NLGN1: variants seen among roughly 807,000 people sequenced by gnomAD.
The protein encoded by NLGN1 is neuroligin 1, also known as neuroligin-1.
In NLGN1, 12 loss-of-function variants were observed where a neutral mutation model predicts 65.5. The observed-to-expected ratio is 0.18, with a 90% confidence interval of 0.12 to 0.30. The LOEUF is 0.30. Among genes scored for constraint, NLGN1 ranks in the 10% least tolerant of loss-of-function variants. The pLI is 1.00. For missense variants in NLGN1, 750 were observed against 1,007.1 expected (o/e 0.74, Z 3.46); for synonymous variants, 350 against 359.5 (o/e 0.97, Z 0.30).
At chr3:173,757,848 A>G (rs1411910182) in intron 3 of NLGN1, among the ~76,000 whole-genome samples, 2 of 152,032 alleles carry the variant, frequency 1.3e-5, no homozygotes, top group African/African-American at 4.8e-5. Context: ...GATGTCTGAA[A>G]CTCGTTTTAA....
At chr3:174,048,854 A>G (rs780001914) in intron 4 of NLGN1, among the ~76,000 whole-genome samples, 1 of 152,132 alleles carries the variant, frequency 6.6e-6, no homozygotes, top group Non-Finnish European at 1.5e-5. Context: ...TAGTAACTAT[A>G]GATGCTAGGT....
At chr3:173,587,338 A>G (rs577058821) in intron 2 of NLGN1, among the ~76,000 whole-genome samples, 2 of 10,834 alleles carry the variant, frequency 1.8e-4, no homozygotes, top group East Asian at 0.091. Context: ...CAAGCAGTAC[A>G]TACACAAAAC....
intron 2 of NLGN1, among the ~76,000 whole-genome samples, chr3:173,443,299 G>GTATATATATTATATATATACTATATA (rs1354966719): frequency 3.2e-5 from 3 of 93,182 alleles, no homozygotes; most frequent in Middle Eastern, 4.5e-3. Context: ...TACTTTAATA[G>GTATATATATTATATATATACTATATA]TATATATATT....
intron 2 of NLGN1, among the ~76,000 whole-genome samples, chr3:173,500,747 T>A (rs2149055474): frequency 6.6e-6 from 1 of 151,994 alleles, no homozygotes; most frequent in African/African-American, 2.4e-5. Context: ...ATTGGTCTAT[T>A]AAATACCTTA....
intron 1 of NLGN1, among the ~76,000 whole-genome samples, chr3:173,426,241 A>G (rs1560235212): frequency 6.6e-6 from 1 of 152,074 alleles, no homozygotes; most frequent in Admixed American, 6.6e-5. Context: ...GGTGGACTCT[A>G]GGTTTTTCTA....
In NLGN1 at chr3:173,764,316, C is replaced by T. The variant is rs572001460; in HGVS notation, c.494-43364C>T. ...AAAGTAGGTGATAAGTATACTCTGTCTGATCAGATCTACCTTAGGTTTCAC... is the reference window on the plus strand; with the variant it reads ...AAAGTAGGTGATAAGTATACTCTGTTTGATCAGATCTACCTTAGGTTTCAC... On this transcript the variant is annotated intron_variant, in intron 3 of 6. Transcript: ENST00000457714. Among the ~76,000 whole-genome samples the T allele has an allele frequency of 2.1e-4, 32 of 152,288 alleles. No homozygotes were observed. In the Middle Eastern group the frequency reaches 0.014, roughly 65 times the overall value.
intron 4 of NLGN1, among the ~76,000 whole-genome samples, chr3:174,044,945 C>T (rs1418596101): frequency 1.3e-5 from 2 of 152,034 alleles, no homozygotes; most frequent in Non-Finnish European, 2.9e-5. Context: ...GACGTGTTTG[C>T]TTCTCCTTCC....
intron 4 of NLGN1, among the ~76,000 whole-genome samples, chr3:173,925,740 C>T (rs1285987826): frequency 6.6e-6 from 1 of 152,034 alleles, no homozygotes; most frequent in Admixed American, 6.6e-5. Flanking sequence ...TAAGTGTATT[C>T]TAAGAAGATT....
intron 4 of NLGN1, among the ~76,000 whole-genome samples, chr3:173,842,713 G>T (rs1006377653): frequency 1.3e-5 from 2 of 152,180 alleles, no homozygotes; most frequent in South Asian, 4.1e-4. Context: ...GGGCAGCTCC[G>T]CCCCTGTGAC....
intron 4 of NLGN1, among the ~76,000 whole-genome samples, chr3:173,960,151 T>C (rs946158292): frequency 3.9e-5 from 6 of 152,114 alleles, no homozygotes; most frequent in African/African-American, 9.6e-5. Context: ...TAATTGTCTT[T>C]GTCAAATAAT....
chr3:173,480,443 T>TGATG (rs1390387372), intron 2 of NLGN1, among the ~76,000 whole-genome samples: 2 of 152,112 alleles, frequency 1.3e-5, no homozygotes, highest in Admixed American at 1.3e-4. Context: ...GCTATATTGG[T>TGATG]GATGGTTTGC....
At chr3:173,815,500 G>A (rs908113370) in intron 4 of NLGN1, among the ~76,000 whole-genome samples, 1 of 152,038 alleles carries the variant, frequency 6.6e-6, no homozygotes, top group South Asian at 2.1e-4. Flanking sequence ...TTTTTATCTT[G>A]TATGATCACT....
chr3:173,969,215 T>C (rs1435992407), intron 4 of NLGN1, among the ~76,000 whole-genome samples: 3 of 152,114 alleles, frequency 2.0e-5, no homozygotes, highest in Non-Finnish European at 4.4e-5. Flanking sequence ...ATAAGGTGTT[T>C]TGATTTTCCT....
chr3:173,586,692 A>G (rs906386783), intron 2 of NLGN1, among the ~76,000 whole-genome samples: 2 of 152,234 alleles, frequency 1.3e-5, no homozygotes, highest in Admixed American at 6.5e-5. Context: ...GTTAGTTTTA[A>G]GGCGATATCT....
chr3:173,693,677 GA>G (rs1465002428), intron 3 of NLGN1, among the ~76,000 whole-genome samples: 1 of 151,870 alleles, frequency 6.6e-6, no homozygotes, highest in Non-Finnish European at 1.5e-5. Context: ...CTAACAAATA[GA>G]TAATGTTTGG....
At chr3:173,638,191 A>ATT (rs879275103) in intron 3 of NLGN1, among the ~76,000 whole-genome samples, 3 of 144,718 alleles carry the variant, frequency 2.1e-5, no homozygotes, top group African/African-American at 5.0e-5. Context: ...CATTTGTTAG[A>ATT]TTTTTTTTTT....
In NLGN1 at chr3:174,031,047, A is replaced by G. The variant is rs143402401; in HGVS notation, c.646+223215A>G. Among the ~76,000 whole-genome samples the G allele has an allele frequency of 2.8e-4, 42 of 152,322 alleles. No individual in the cohort carries two copies. In the East Asian group the frequency reaches 8.1e-3, roughly 29 times the overall value. ...GGAAGGCTTACATATGGAAGAGTAA[A>G]ACATTTTACATTCGTTTTGCTTTCA... On this transcript the variant is annotated intron_variant, in intron 4 of 6. Coordinates refer to ENST00000457714, the Ensembl canonical transcript of NLGN1.
At chr3:173,726,940 CAAAA>C (rs5854531) in intron 3 of NLGN1, among the ~76,000 whole-genome samples, 1 of 134,096 alleles carries the variant, frequency 7.5e-6, no homozygotes. Context: ...ATTTCCTTAC[CAAAA>C]AAAAAAAAAG....
chr3:174,090,092 T>G (rs1046921836), intron 4 of NLGN1, among the ~76,000 whole-genome samples: 2 of 152,120 alleles, frequency 1.3e-5, no homozygotes, highest in African/African-American at 4.8e-5. Context: ...TGTAATCACT[T>G]TTTCTGTATG....
Sources: gnomAD v4.1 joint callset for allele counts (sites outside exome capture counted in the v4.1 genomes callset) on GRCh38, gnomAD v4.1.1 for gene constraint, MANE v1.5 for transcripts, NCBI Gene and HGNC (gene_info 2026-07-23, HGNC 2026-07-21) for gene names.